Variants in PPP2R3A observed in about 807,000 individuals in gnomAD.
The protein encoded by PPP2R3A is protein phosphatase 2 regulatory subunit B''alpha.
Under a neutral mutation model 106.9 loss-of-function variants are expected in PPP2R3A, and 80 were observed. The ratio of observed to expected loss-of-function variants is 0.75; its 90% CI spans 0.62 to 0.90. The LOEUF (loss-of-function observed/expected upper bound fraction) is 0.90, where lower values mean the gene tolerates loss of function less well. PPP2R3A is among the 40% of genes least tolerant of loss of function. The pLI is 0.00. For missense variants in PPP2R3A, 1,386 were observed against 1,350.4 expected, an observed-to-expected ratio of 1.03 and a Z score of -0.41; for synonymous variants, 483 against 468.3, an observed-to-expected ratio of 1.03 and a Z score of -0.41.
chr3:135,967,723 C>A (rs1467292361), intron 1 of PPP2R3A, among the ~76,000 whole-genome samples: 1 of 152,140 alleles, frequency 6.6e-6, no homozygotes, highest in Non-Finnish European at 1.5e-5. Context: ...CTTGACACCC[C>A]CCATCCCCCA....
intron 1 of PPP2R3A, among the ~76,000 whole-genome samples, chr3:135,966,497 G>C (rs1173594357): frequency 1.3e-5 from 2 of 151,980 alleles, no homozygotes; most frequent in Non-Finnish European, 1.5e-5. Context: ...CTCCCGCGCC[G>C]ACCTGGCCGC....
intron 13 of PPP2R3A, among the ~76,000 whole-genome samples, chr3:136,127,820 A>C (rs1050458278): frequency 2.0e-5 from 3 of 152,212 alleles, no homozygotes; most frequent in Admixed American, 2.0e-4. Flanking sequence ...ATCTCTTGGC[A>C]GAAACACTAC....
chr3:136,086,303 G>A (rs1576491903), intron 8 of PPP2R3A, among the ~76,000 whole-genome samples: 1 of 152,100 alleles, frequency 6.6e-6, no homozygotes, highest in East Asian at 1.9e-4. Context: ...ACAACATGGT[G>A]AAACCCCATC....
chr3:136,121,200 G>C (rs1164522030), intron 13 of PPP2R3A, among the ~76,000 whole-genome samples: 3 of 152,146 alleles, frequency 2.0e-5, no homozygotes, highest in Non-Finnish European at 4.4e-5. Flanking sequence ...GTGGTGGACT[G>C]AATAAAGAAA....
intron 13 of PPP2R3A, among the ~76,000 whole-genome samples, chr3:136,142,174 A>AGC (rs1938901166): frequency 6.6e-6 from 1 of 152,244 alleles, no homozygotes; most frequent in South Asian, 2.1e-4. Flanking sequence ...AGAGCTTATT[A>AGC]GTCCAGAACC....
chr3:136,062,204 G>T (rs1936101309), intron 5 of PPP2R3A, among the ~76,000 whole-genome samples: 1 of 152,096 alleles, frequency 6.6e-6, no homozygotes, highest in African/African-American at 2.4e-5. Flanking sequence ...CTTCTTAAAT[G>T]GTTACTTGCA....
intron 13 of PPP2R3A, among the ~76,000 whole-genome samples, chr3:136,118,453 G>A (rs1937865752): frequency 6.6e-6 from 1 of 152,176 alleles, no homozygotes; most frequent in Non-Finnish European, 1.5e-5. Flanking sequence ...GTTTGCAGAT[G>A]ACATGATTGT....
At chr3:136,043,374 G>A (rs1013257533) in intron 4 of PPP2R3A, among the ~76,000 whole-genome samples, 25 of 152,106 alleles carry the variant, frequency 1.6e-4, no homozygotes, top group Admixed American at 6.5e-5. Context: ...CAGGAGAATC[G>A]CGGGAACCCA....
In PPP2R3A at chr3:136,002,156, A is replaced by C. The variant is rs771909555; in HGVS notation, c.658A>C (p.Ile220Leu). The change falls in exon 2 of 14, where the codon ATA (isoleucine) becomes CTA (leucine). Residue 220 changes from isoleucine to leucine, a missense_variant. Coordinates refer to ENST00000264977, the MANE Select transcript of PPP2R3A (RefSeq NM_002718.5). The stretch of plus-strand genomic sequence containing the variant: ...TACTCAGATTTTGGAAAAACATAAA[A>C]TAGATAATTTTTCTTCTGGGACAGA... Reference protein sequence around the residue: ...LVTQILEKHKIDNFSSGTDIK... With the variant: ...LVTQILEKHKLDNFSSGTDIK... 1 of 1,613,670 alleles carries C rather than the reference A, an allele frequency of 6.2e-7. No homozygotes were observed. The highest frequency in any genetic ancestry group is 1.7e-5 in the Admixed American group (1 of 59,934).
intron 13 of PPP2R3A, among the ~76,000 whole-genome samples, chr3:136,131,691 C>T (rs766423626): frequency 1.3e-5 from 2 of 152,156 alleles, no homozygotes; most frequent in Non-Finnish European, 2.9e-5. Flanking sequence ...ATACATCATG[C>T]TGCTTAGACA....
intron 1 of PPP2R3A, among the ~76,000 whole-genome samples, chr3:135,987,500 C>T (rs1346342690): frequency 6.6e-6 from 1 of 152,052 alleles, no homozygotes; most frequent in South Asian, 2.1e-4. Flanking sequence ...GGACAGTAAC[C>T]CATTGCTCTG....
intron 12 of PPP2R3A, 123 bp from the exon 13 acceptor site, chr3:136,106,093 C>A: frequency 2.5e-6 from 2 of 798,304 alleles, no homozygotes; most frequent in Non-Finnish European, 4.0e-6. Context: ...TCTTTTAAAC[C>A]TGTTGAAATG....
Position 136,090,650 on chromosome 3 carries a change from C to A in PPP2R3A, c.2910C>A (p.Asp970Glu). The A allele has an allele frequency of 6.2e-7, 1 of 1,612,212 alleles. No individual in the cohort carries two copies. The highest frequency in any genetic ancestry group is 1.3e-5 in the African/African-American group (1 of 74,968). ...DFVWFLISEE[D>E]KRNPTSIEYW... ...TTTGGTTTTTGATCTCTGAAGAAGACAAAAGGAATCCTACCAGGTATGATT... is the reference window on the plus strand; with the variant it reads ...TTTGGTTTTTGATCTCTGAAGAAGAAAAAAGGAATCCTACCAGGTATGATT... The change falls in exon 10 of 14, where the codon GAC becomes GAA. Residue 970 changes from aspartate to glutamate, a missense_variant. By Grantham distance (45) the Asp-to-Glu change is conservative. Transcript: ENST00000264977.
intron 10 of PPP2R3A, among the ~76,000 whole-genome samples, chr3:136,099,514 G>T (rs981679531): frequency 6.6e-6 from 1 of 151,906 alleles, no homozygotes; most frequent in African/African-American, 2.4e-5. Context: ...GAACATTCAG[G>T]AAACCAAAAA....
intron 2 of PPP2R3A, among the ~76,000 whole-genome samples, chr3:136,013,204 A>G (rs955531639): frequency 7.3e-5 from 11 of 150,290 alleles, no homozygotes; most frequent in South Asian, 4.2e-4. Context: ...GTATGTATGT[A>G]TGTATGTATG....
intron 6 of PPP2R3A, among the ~76,000 whole-genome samples, chr3:136,075,998 G>A (rs530092161): frequency 6.6e-6 from 1 of 152,272 alleles, no homozygotes; most frequent in South Asian, 2.1e-4. Context: ...CATGTTCTCT[G>A]TCCTCAGTGA....
At chr3:136,137,189 T>C (rs1284500622) in intron 13 of PPP2R3A, among the ~76,000 whole-genome samples, 1 of 152,152 alleles carries the variant, frequency 6.6e-6, no homozygotes, top group Non-Finnish European at 1.5e-5. Flanking sequence ...TAAAGGGTCT[T>C]CCATGTTACT....
intron 2 of PPP2R3A, among the ~76,000 whole-genome samples, chr3:136,018,645 A>C (rs1451141707): frequency 6.6e-6 from 1 of 152,216 alleles, no homozygotes; most frequent in East Asian, 1.9e-4. Context: ...ACCTTCCTTC[A>C]GGGTACATTT....
At chr3:136,106,585 A>G (rs1432269592) in intron 13 of PPP2R3A, 2 of 439,674 alleles carry the variant, frequency 4.5e-6, no homozygotes, top group South Asian at 2.2e-5. Flanking sequence ...CTACTGTTTT[A>G]GTGATATTGA....
Sources: gnomAD v4.1 joint callset for allele counts (sites outside exome capture counted in the v4.1 genomes callset) on GRCh38, gnomAD v4.1.1 for gene constraint, MANE v1.5 for transcripts, NCBI Gene and HGNC (gene_info 2026-07-23, HGNC 2026-07-21) for gene names.